Variants in ARL5B observed in about 807,000 individuals in gnomAD.
ARL5B encodes the protein ARF like GTPase 5B.
In ARL5B, 10 loss-of-function variants were observed where a neutral mutation model predicts 26.9. The observed-to-expected ratio is 0.37, with a 90% CI of 0.23 to 0.63. The LOEUF (loss-of-function observed/expected upper bound fraction) is 0.63, where lower values mean the gene tolerates loss of function less well. Ranked by LOEUF, ARL5B falls within the 30% of genes least tolerant of loss-of-function variation. The probability of loss-of-function intolerance (pLI) is 0.62; values close to 1 mark genes in which losing one functional copy is unlikely to be tolerated. For synonymous variants in ARL5B, 87 were observed against 70.4 expected, an observed-to-expected ratio of 1.24 and a Z score of -1.18; for missense variants, 167 against 213.9, an observed-to-expected ratio of 0.78 and a Z score of 1.37.
In ARL5B at chr10:18,675,250, C is replaced by T. The variant is rs202164122; in HGVS notation, c.*34C>T. 1 of 1,599,366 alleles carries T rather than the reference C, an allele frequency of 6.3e-7. No individual in the cohort carries two copies. The highest frequency in any genetic ancestry group is 1.1e-5 in the South Asian group (1 of 90,694). On this transcript the variant is annotated 3_prime_UTR_variant, in exon 6 of 6. Coordinates refer to ENST00000377275, the MANE Select transcript of ARL5B (RefSeq NM_178815.5). ...CTTGAAAGAGACTGCTCTATTTATT[C>T]TGTGACATGAACATTTTTTCCTAGT... is the stretch of plus-strand genomic sequence containing the variant.
chr10:18,681,113 A>G lies in ARL5B; in HGVS notation c.*5897A>G, dbSNP rs1302626413. The G allele has an allele frequency of 1.3e-5, 2 of 152,146 alleles. No individual in the cohort carries two copies. The highest frequency in any genetic ancestry group is 2.9e-5 in the Non-Finnish European group (2 of 68,020). 9.4% of individuals were successfully genotyped at this position (152,146 alleles called of 1,614,324 possible). On this transcript the variant is annotated 3_prime_UTR_variant, in exon 6 of 6. Coordinates refer to ENST00000377275, the MANE Select transcript of ARL5B (RefSeq NM_178815.5). The stretch of plus-strand genomic sequence containing the variant: ...TGGTCAACTGGAAGATGGTATTAAT[A>G]AGGTCAGAATTAGGAATTGGATTGC...
At chr10:18,666,674 T>C (rs762806414) in intron 2 of ARL5B, 39 bp downstream of exon 2, 4 of 1,489,842 alleles carry the variant, frequency 2.7e-6, no homozygotes, top group Admixed American at 3.7e-5. Flanking sequence ...TCACTAGTTA[T>C]TGAAACTAAT....
Position 18,675,335 on chromosome 10 carries a change from A to C in ARL5B, c.*119A>C. The C allele has an allele frequency of 1.0e-6, 1 of 962,118 alleles. No individual in the cohort carries two copies. 59.6% of individuals were successfully genotyped at this position (962,118 alleles called of 1,614,324 possible). The stretch of plus-strand genomic sequence containing the variant: ...TATAACAACACAAACCTCTGAGAGC[A>C]ACACTTGAATCAAGTGCAGCTGAAC... On this transcript the variant is annotated 3_prime_UTR_variant, in exon 6 of 6. Transcript: ENST00000377275.
chr10:18,665,153 CAG>C (rs942140901), intron 1 of ARL5B, among the ~76,000 whole-genome samples: 1 of 150,284 alleles, frequency 6.7e-6, no homozygotes, highest in Non-Finnish European at 1.5e-5. Context: ...GGATAACAAA[CAG>C]GGTAATACTT....
At chr10:18,664,789 A>G (rs1190596146) in intron 1 of ARL5B, among the ~76,000 whole-genome samples, 1 of 152,148 alleles carries the variant, frequency 6.6e-6, no homozygotes, top group Non-Finnish European at 1.5e-5. Context: ...CCTACCTTTC[A>G]AAATGGTGCA....
chr10:18,667,476 C>G (rs1343939766), intron 2 of ARL5B, among the ~76,000 whole-genome samples: 1 of 152,086 alleles, frequency 6.6e-6, no homozygotes, highest in Non-Finnish European at 1.5e-5. Context: ...TATGAATTAG[C>G]TTTTAAACAT....
intron 4 of ARL5B, 29 bp downstream of exon 4, chr10:18,672,734 A>G (rs1564866675): frequency 6.6e-7 from 1 of 1,518,438 alleles, no homozygotes; most frequent in African/African-American, 1.4e-5. Flanking sequence ...TCTTTAAAAA[A>G]CAGTGTAGTA....
Position 18,675,318 on chromosome 10 carries a change from C to A in ARL5B, c.*102C>A. 2.6e-6 allele frequency: 3 copies of A among 1,151,794 alleles called. No individual in the cohort carries two copies. Among genetic ancestry groups the A allele is most frequent in the Non-Finnish European group, 3.9e-6 (3 of 770,424 alleles). The allele number at this position is 1,151,794 out of a possible 1,614,324, so 71.3% of individuals were successfully genotyped here. A position where few individuals can be genotyped will look rare whatever the true frequency, so the allele number is the denominator to read the frequency against. ...CAGCAGCATGTTTAATTTATAACAA[C>A]ACAAACCTCTGAGAGCAACACTTGA... is the stretch of plus-strand genomic sequence containing the variant. On this transcript the variant is annotated 3_prime_UTR_variant, in exon 6 of 6. Transcript: ENST00000377275.
chr10:18,665,618 G>T (rs1359627206), intron 1 of ARL5B, among the ~76,000 whole-genome samples: 1 of 152,160 alleles, frequency 6.6e-6, no homozygotes, highest in African/African-American at 2.4e-5. Flanking sequence ...ACATTCACCA[G>T]AGGTCATCAA....
rs897232360 is a variant in ARL5B, at chr10:18,678,588, G to A, written c.*3372G>A. The A allele has an allele frequency of 1.3e-5, 2 of 151,630 alleles. No homozygotes were observed. The highest frequency in any genetic ancestry group is 2.4e-5 in the African/African-American group (1 of 41,340). The allele number at this position is 151,630 out of a possible 1,614,324, so 9.4% of individuals were successfully genotyped here. On this transcript the variant is annotated 3_prime_UTR_variant, in exon 6 of 6. Transcript: ENST00000377275. ...ATTTAGTCCTTAACTATGTAAAACC[G>A]TATCAGTAGAAAAATGTGCTGGTGT...
Position 18,677,289 on chromosome 10 carries a change from T to G in ARL5B, c.*2073T>G, listed in dbSNP as rs2059914463. 6.6e-6 allele frequency: 1 copy of G among 152,312 alleles called. No individual in the cohort carries two copies. Among genetic ancestry groups the G allele is most frequent in the Admixed American group, 6.6e-5 (1 of 15,232 alleles). 9.4% of individuals were successfully genotyped at this position (152,312 alleles called of 1,614,324 possible). A position where few individuals can be genotyped will look rare whatever the true frequency, so the allele number is the denominator to read the frequency against. On this transcript the variant is annotated 3_prime_UTR_variant, in exon 6 of 6. Coordinates refer to ENST00000377275, the MANE Select transcript of ARL5B (RefSeq NM_178815.5). ...ATTTTTTATATTACCACATCAGCAT[T>G]ATATTAAAAGTGTTTTTAATAGTTG...
intron 4 of ARL5B, among the ~76,000 whole-genome samples, 162 bp from the exon 5 acceptor site, chr10:18,673,822 C>G (rs1276794885): frequency 6.6e-6 from 1 of 150,878 alleles, no homozygotes; most frequent in Non-Finnish European, 1.5e-5. Context: ...TAATATTAAT[C>G]TGTTGGAATG....
intron 3 of ARL5B, among the ~76,000 whole-genome samples, chr10:18,671,331 C>G (rs1305474788): frequency 6.6e-6 from 1 of 152,036 alleles, no homozygotes; most frequent in African/African-American, 2.4e-5. Flanking sequence ...ACCACCACAC[C>G]TGGCTGATTT....
In ARL5B at chr10:18,659,564, C is replaced by T. The variant is rs1329348654; in HGVS notation, c.-74C>T. 5.3e-6 allele frequency: 8 copies of T among 1,504,674 alleles called. No homozygotes were observed. The highest frequency in any genetic ancestry group is 7.1e-6 in the Non-Finnish European group (8 of 1,129,448). 93.2% of individuals were successfully genotyped at this position (1,504,674 alleles called of 1,614,324 possible). On this transcript the variant is annotated 5_prime_UTR_variant, in exon 1 of 6. Coordinates refer to ENST00000377275, the MANE Select transcript of ARL5B (RefSeq NM_178815.5). ...CGGGTTCTCCTCGGCTCCGCGCAGC[C>T]CGCGCCGCGGTGGGGGACCCGGCGC... is the stretch of plus-strand genomic sequence containing the variant.
intron 2 of ARL5B, 61 bp from the exon 3 acceptor site, chr10:18,668,469 T>G: frequency 6.3e-7 from 1 of 1,577,322 alleles, no homozygotes; most frequent in Non-Finnish European, 8.7e-7. Flanking sequence ...AATACAGAGA[T>G]AAAAGTTGCT....
intron 2 of ARL5B, among the ~76,000 whole-genome samples, 182 bp from the exon 3 acceptor site, chr10:18,668,348 C>A (rs892817343): frequency 6.6e-6 from 1 of 151,764 alleles, no homozygotes; most frequent in African/African-American, 2.4e-5. Flanking sequence ...AGAAACAAGT[C>A]TTTCTTCTGG....
Position 18,674,117 on chromosome 10 carries a change from G to A in ARL5B, c.473G>A (p.Cys158Tyr). 3 of 1,611,108 alleles carry A rather than the reference G, an allele frequency of 1.9e-6. No homozygotes were observed. Among genetic ancestry groups the A allele is most frequent in the Non-Finnish European group, 2.5e-6 (3 of 1,178,692 alleles). The change falls in exon 5 of 6, where the codon TGT (cysteine) becomes TAT (tyrosine). Residue 158 changes from cysteine to tyrosine, a missense_variant. Physicochemically the swap from Cys to Tyr is radical, Grantham distance 194. Coordinates refer to ENST00000377275, the MANE Select transcript of ARL5B (RefSeq NM_178815.5). ...KDHPWHIQSC[C>Y]ALTGEGLCQG... ...CATCCATGGCACATTCAATCCTGCTGTGCTCTCACAGGAGAAGGGTAAGTT... is the reference window on the plus strand; with the variant it reads ...CATCCATGGCACATTCAATCCTGCTATGCTCTCACAGGAGAAGGGTAAGTT...
intron 1 of ARL5B, among the ~76,000 whole-genome samples, chr10:18,664,398 G>A (rs1464915711): frequency 1.5e-5 from 2 of 135,380 alleles, no homozygotes; most frequent in African/African-American, 5.5e-5. Flanking sequence ...AAAACATTCT[G>A]ATTTACTGTA....
At chr10:18,671,362 G>T (rs2059886223) in intron 3 of ARL5B, among the ~76,000 whole-genome samples, 1 of 151,962 alleles carries the variant, frequency 6.6e-6, no homozygotes, top group Non-Finnish European at 1.5e-5. Context: ...AATAGAGACA[G>T]GGTTTCACCA....
Sources: allele counts gnomAD v4.1 joint callset (sites outside exome capture counted in the v4.1 genomes callset), GRCh38; gene constraint gnomAD v4.1.1; transcripts MANE v1.5; gene names NCBI Gene and HGNC (gene_info 2026-07-23, HGNC 2026-07-21).